PPP1R9A: variants seen among roughly 807,000 people sequenced by gnomAD.
PPP1R9A encodes neurabin-1.
Under a neutral mutation model 141.9 loss-of-function variants are expected in PPP1R9A, and 59 were observed. That is an observed-to-expected ratio of 0.42 (90% CI 0.34 to 0.52). PPP1R9A has a LOEUF of 0.52. PPP1R9A is among the 20% of genes least tolerant of loss of function. PPP1R9A has a pLI of 0.10. For missense variants in PPP1R9A, 1,444 were observed against 1,611.9 expected (o/e 0.90, Z 1.78); for synonymous variants, 500 against 569.7 (o/e 0.88, Z 1.74).
intron 2 of PPP1R9A, among the ~76,000 whole-genome samples, chr7:94,913,674 T>G (rs1024928148): frequency 2.0e-5 from 3 of 152,194 alleles, no homozygotes; most frequent in African/African-American, 4.8e-5. Flanking sequence ...TGCTTTCTAC[T>G]GGTCATGGTG....
At chr7:95,062,889 C>T (rs916475534) in intron 2 of PPP1R9A, among the ~76,000 whole-genome samples, 12 of 152,024 alleles carry the variant, frequency 7.9e-5, no homozygotes, top group Admixed American at 2.0e-4. Flanking sequence ...GTAGCAGTAG[C>T]GGCTGTGGGT....
chr7:95,223,300 A>T (rs1005268120), intron 7 of PPP1R9A, among the ~76,000 whole-genome samples: 2 of 152,064 alleles, frequency 1.3e-5, no homozygotes, highest in African/African-American at 2.4e-5. Context: ...TATGTTTATT[A>T]AGATAATTTT....
intron 4 of PPP1R9A, chr7:95,156,730 A>G (rs1584993526): frequency 6.6e-6 from 1 of 152,346 alleles, no homozygotes; most frequent in East Asian, 1.9e-4. Flanking sequence ...CTCTCAGCAG[A>G]GAGGTGGCCC....
chr7:95,058,470 A>G (rs1163242375), intron 2 of PPP1R9A, among the ~76,000 whole-genome samples: 1 of 152,168 alleles, frequency 6.6e-6, no homozygotes, highest in Non-Finnish European at 1.5e-5. Flanking sequence ...AACTGAGAAG[A>G]GAAGAGGGCT....
chr7:95,215,623 T>C (rs1466277829), intron 7 of PPP1R9A, among the ~76,000 whole-genome samples: 2 of 152,148 alleles, frequency 1.3e-5, no homozygotes, highest in African/African-American at 4.8e-5. Context: ...CCACATCCTC[T>C]CCAGCACCTT....
At chr7:95,174,628 G>A (rs1021869805) in intron 5 of PPP1R9A, among the ~76,000 whole-genome samples, 1 of 152,148 alleles carries the variant, frequency 6.6e-6, no homozygotes, top group Non-Finnish European at 1.5e-5. Flanking sequence ...GAAAAGGACT[G>A]TGTCTCTTTA....
At chr7:95,130,804 TTTGAGAC>T (rs1824460399) in intron 4 of PPP1R9A, among the ~76,000 whole-genome samples, 1 of 152,192 alleles carries the variant, frequency 6.6e-6, no homozygotes. Flanking sequence ...CCCTGCTGGA[TTTGAGAC>T]TTGCATGGGG....
intron 4 of PPP1R9A, among the ~76,000 whole-genome samples, chr7:95,131,130 A>G (rs1824530090): frequency 6.6e-6 from 1 of 152,150 alleles, no homozygotes; most frequent in Admixed American, 6.5e-5. Context: ...CTCCTCTTGA[A>G]TTGTAACTCC....
intron 7 of PPP1R9A, among the ~76,000 whole-genome samples, chr7:95,220,558 A>G (rs774520097): frequency 2.6e-5 from 4 of 152,090 alleles, no homozygotes; most frequent in Non-Finnish European, 5.9e-5. Flanking sequence ...GATTAACAGG[A>G]AAATCAGGCT....
intron 5 of PPP1R9A, among the ~76,000 whole-genome samples, chr7:95,171,173 CAAAA>C (rs986428573): frequency 7.3e-5 from 11 of 151,284 alleles, no homozygotes; most frequent in African/African-American, 2.7e-4. Flanking sequence ...CACAGGGGAA[CAAAA>C]AATGAAGAGA....
At chr7:95,290,025 T>G in intron 19 of PPP1R9A, 66 bp from the exon 20 acceptor site, 2 of 1,581,876 alleles carry the variant, frequency 1.3e-6, no homozygotes, top group African/African-American at 2.7e-5. Context: ...GGATATATGG[T>G]ATGTTAACAC....
At chr7:95,081,279 A>G (rs1327140507) in intron 2 of PPP1R9A, among the ~76,000 whole-genome samples, 3 of 152,226 alleles carry the variant, frequency 2.0e-5, no homozygotes, top group Admixed American at 6.5e-5. Context: ...CTTTAAAAAG[A>G]GCATAACAAG....
chr7:95,268,992 G>A (rs1045511158), intron 13 of PPP1R9A, among the ~76,000 whole-genome samples: 1 of 152,110 alleles, frequency 6.6e-6, no homozygotes, highest in Non-Finnish European at 1.5e-5. Context: ...AATAATGAAC[G>A]TACAAGTAAT....
chr7:95,055,526 T>C (rs1195507198), intron 2 of PPP1R9A, among the ~76,000 whole-genome samples: 1 of 152,204 alleles, frequency 6.6e-6, no homozygotes, highest in African/African-American at 2.4e-5. Flanking sequence ...TTAACATGTT[T>C]GTTTTCTCTT....
chr7:94,938,918 G>A lies in PPP1R9A; in HGVS notation c.1395+27410G>A, dbSNP rs193277874. On this transcript the variant is annotated intron_variant, in intron 2 of 19. Coordinates refer to ENST00000433360, the MANE Select transcript of PPP1R9A (RefSeq NM_001166160.2). ...AATCTTAGACACGTATCGTGATGTGGATACGCTATTCCTGTGTTTTTAAAG... is the reference window on the plus strand; with the variant it reads ...AATCTTAGACACGTATCGTGATGTGAATACGCTATTCCTGTGTTTTTAAAG... 2.4e-3 allele frequency among the ~76,000 whole-genome samples: 367 copies of A among 152,270 alleles called. 1 individual carries two copies. The highest frequency in any genetic ancestry group is 3.6e-3 in the Non-Finnish European group (243 of 68,026).
intron 5 of PPP1R9A, among the ~76,000 whole-genome samples, chr7:95,172,993 TTAAA>T (rs1467699937): frequency 4.0e-5 from 6 of 151,538 alleles, no homozygotes; most frequent in South Asian, 2.1e-4. Context: ...GCTGAAAAAA[TTAAA>T]TAGTCTCATT....
intron 2 of PPP1R9A, among the ~76,000 whole-genome samples, chr7:95,079,669 A>T (rs1232439745): frequency 2.0e-5 from 3 of 152,170 alleles, no homozygotes; most frequent in Admixed American, 2.0e-4. Flanking sequence ...TCCTTGATGA[A>T]CATTGATCCA....
Position 94,993,398 on chromosome 7 carries a change from A to G in PPP1R9A, c.1395+81890A>G, listed in dbSNP as rs571300619. 2.1e-4 allele frequency among the ~76,000 whole-genome samples: 32 copies of G among 152,188 alleles called. 1 individual carries two copies. The highest frequency in any genetic ancestry group is 6.5e-4 in the Admixed American group (10 of 15,276). On this transcript the variant is annotated intron_variant, in intron 2 of 19. Coordinates refer to ENST00000433360, the MANE Select transcript of PPP1R9A (RefSeq NM_001166160.2). ...CTCCTCTAAGTATTTTCTTTTGTCTATGAATTTTAGAATTAGCTTGTCAAT... is the reference window on the plus strand; with the variant it reads ...CTCCTCTAAGTATTTTCTTTTGTCTGTGAATTTTAGAATTAGCTTGTCAAT...
At chr7:95,145,940 GA>G (rs1827530326) in intron 4 of PPP1R9A, among the ~76,000 whole-genome samples, 1 of 152,152 alleles carries the variant, frequency 6.6e-6, no homozygotes, top group Non-Finnish European at 1.5e-5. Context: ...TTGCTGTTGT[GA>G]ATAGTGCTGC....
Sources: gnomAD v4.1 joint callset for allele counts (sites outside exome capture counted in the v4.1 genomes callset) on GRCh38, gnomAD v4.1.1 for gene constraint, MANE v1.5 for transcripts, NCBI Gene and HGNC (gene_info 2026-07-23, HGNC 2026-07-21) for gene names.